Variants in GLS2 observed in about 807,000 individuals in gnomAD.
The protein encoded by GLS2 is glutaminase 2, also known as glutaminase liver isoform, mitochondrial.
A neutral mutation model predicts 79.0 loss-of-function variants in GLS2; 52 were observed. The observed-to-expected ratio is 0.66, with a 90% CI of 0.53 to 0.83. The LOEUF (loss-of-function observed/expected upper bound fraction) is 0.83. GLS2 is among the 40% of genes least tolerant of loss of function. The probability of loss-of-function intolerance (pLI) is 0.00; values close to 1 mark genes in which losing one functional copy is unlikely to be tolerated. For missense variants in GLS2, 561 were observed against 764.8 expected (o/e 0.73, Z 3.14); for synonymous variants, 238 against 280.8 (o/e 0.85, Z 1.52).
rs775006237 is a variant in GLS2 at position 56,471,587 on chromosome 12, T to C, written c.1709A>G (p.Lys570Arg). The C allele has an allele frequency of 6.2e-7, 1 of 1,614,082 alleles. No individual in the cohort carries two copies. The highest frequency in any genetic ancestry group is 1.1e-5 in the South Asian group (1 of 91,074). Residue 570 changes from lysine to arginine, a missense_variant, in exon 18 of 18, where the codon AAA becomes AGA. Physicochemically the swap from Lys to Arg is conservative, Grantham distance 26. Transcript: ENST00000311966. ...GGAGTCCTGGTAATCTTGAAGCAGT[T>C]TGACCACCTCCAGATGGTTGAACTG... ...AVQFNHLEVV[K>R]LLQDYQDSYT...
chr12:56,473,616 G>A (rs989350529), intron 12 of GLS2, 22 bp from the exon 13 acceptor site: 1 of 1,597,658 alleles, frequency 6.3e-7, no homozygotes, highest in African/African-American at 1.3e-5. Flanking sequence ...AACTGAAGCT[G>A]AGGATAAAGT....
At chr12:56,473,777 T>C (rs1869527350) in intron 12 of GLS2, 183 bp from the exon 13 acceptor site, 1 of 670,284 alleles carries the variant, frequency 1.5e-6, no homozygotes, top group African/African-American at 1.8e-5. Context: ...AATTCATTGA[T>C]TCAGCTAGAA....
intron 1 of GLS2, among the ~76,000 whole-genome samples, chr12:56,486,960 TGTGTC>T (rs1870741251): frequency 1.6e-5 from 1 of 62,734 alleles, no homozygotes; most frequent in South Asian, 7.6e-4. Flanking sequence ...GAGGTAGTGT[TGTGTC>T]AGAGACTCGA....
intron 9 of GLS2, 84 bp downstream of exon 9, chr12:56,475,540 T>C (rs534720593): frequency 7.2e-7 from 1 of 1,393,056 alleles, no homozygotes; most frequent in South Asian, 1.2e-5. Context: ...TAAGATTCTC[T>C]CTCCCCCATT....
chr12:56,485,019 A>G (rs151081820), intron 1 of GLS2, among the ~76,000 whole-genome samples: 10 of 152,336 alleles, frequency 6.6e-5, no homozygotes, highest in Admixed American at 4.6e-4. Flanking sequence ...AAGACTGGTT[A>G]TATAAACTAT....
intron 5 of GLS2, 21 bp from the exon 6 acceptor site, chr12:56,478,117 T>G: frequency 2.5e-6 from 4 of 1,614,004 alleles, no homozygotes; most frequent in Non-Finnish European, 2.5e-6. Flanking sequence ...ACAGATGCCA[T>G]GAAAGGGGTT....
chr12:56,472,142 GCTGTGCGCGAGTCATAGT>G lies in GLS2; in HGVS notation c.1547_1564del (p.Asp516_Thr521del). The G allele has an allele frequency of 6.2e-7, 1 of 1,614,194 alleles. No homozygotes were observed. Among genetic ancestry groups the G allele is most frequent in the Non-Finnish European group, 8.5e-7 (1 of 1,180,036 alleles). On this transcript the variant is annotated inframe_deletion, in exon 16 of 18. Transcript: ENST00000311966. ...ACCTTCAGCTGCAGCAACATGCAGA[GCTGTGCGCGAGTCATAGT>G]CTTTCTGTTCCATATCCATGGCTGA...
At chr12:56,481,963 G>T (rs1054831316) in intron 1 of GLS2, among the ~76,000 whole-genome samples, 1 of 146,018 alleles carries the variant, frequency 6.8e-6, no homozygotes, top group Non-Finnish European at 1.5e-5. Flanking sequence ...GGGCATGGTG[G>T]TTCACACCTG....
At chr12:56,486,487 TAAG>T (rs1301968316) in intron 1 of GLS2, among the ~76,000 whole-genome samples, 1 of 152,206 alleles carries the variant, frequency 6.6e-6, no homozygotes, top group Non-Finnish European at 1.5e-5. Flanking sequence ...TGTGTCTCTT[TAAG>T]AAGAAGCTGA....
At chr12:56,487,744 C>G (rs945104001) in intron 1 of GLS2, 193 bp downstream of exon 1, 1 of 693,810 alleles carries the variant, frequency 1.4e-6, no homozygotes, top group African/African-American at 1.9e-5. Context: ...GAACGCACTC[C>G]TAGGCAGACG....
In GLS2 at chr12:56,477,728, T is replaced by C. The variant is rs1379380661; in HGVS notation, c.779-10A>G. On this transcript the variant is annotated splice_polypyrimidine_tract_variant and intron_variant, in intron 6 of 17. Coordinates refer to ENST00000311966, the MANE Select transcript of GLS2 (RefSeq NM_013267.4). ...GGGTTATGGGGGATTCCTGGGGAAATACAAACCACCAAGAGTCTTAGCCAC... is the reference window on the plus strand; with the variant it reads ...GGGTTATGGGGGATTCCTGGGGAAACACAAACCACCAAGAGTCTTAGCCAC... 1 of 1,608,368 alleles carries C rather than the reference T, an allele frequency of 6.2e-7. No individual in the cohort carries two copies. Among genetic ancestry groups the C allele is most frequent in the Non-Finnish European group, 8.5e-7 (1 of 1,177,766 alleles).
rs765192271 is a variant in GLS2 at position 56,472,705 on chromosome 12, A to G, written c.1496T>C (p.Val499Ala). The change falls in exon 15 of 18, where the codon GTC becomes GCC. Residue 499 changes from valine to alanine, a missense_variant. Physicochemically the swap from Val to Ala is moderately conservative, Grantham distance 64. Coordinates refer to ENST00000311966, the MANE Select transcript of GLS2 (RefSeq NM_013267.4). ...GTAGCATTACCTTCGAAGAGCTGAG[A>G]CATCGCCACTATAGGCAGCAAATAA... ...NLLFAAYSGD[V>A]SALRRFALSA... 2 of 1,613,814 alleles carry G rather than the reference A, an allele frequency of 1.2e-6. No homozygotes were observed. The highest frequency in any genetic ancestry group is 2.2e-5 in the East Asian group (1 of 44,868).
chr12:56,479,835 G>C lies in GLS2; in HGVS notation c.349C>G (p.Arg117Gly), dbSNP rs925971587. The C allele has an allele frequency of 6.2e-7, 1 of 1,612,174 alleles. No individual in the cohort carries two copies. The highest frequency in any genetic ancestry group is 1.3e-5 in the African/African-American group (1 of 74,814). ...CCACTACTGGACTCTTGGACCACGC[G>C]GTGCATCTCGCTCATGCAGTCTCGG... ...RLRDCMSEMH[R>G]VVQESSSGGL... is the part of the protein sequence containing the mutation. The change falls in exon 3 of 18, where the codon CGC (arginine) becomes GGC (glycine). Residue 117 changes from arginine (R) to glycine (G), a missense_variant. By Grantham distance (125) the Arg-to-Gly change is moderately radical. Coordinates refer to ENST00000311966, the MANE Select transcript of GLS2 (RefSeq NM_013267.4).
At chr12:56,474,252 G>A (rs1869586004) in intron 12 of GLS2, 1 of 375,138 alleles carries the variant, frequency 2.7e-6, no homozygotes. Context: ...ACCACCCCCG[G>A]CTAATTTTTT....
chr12:56,472,634 G>T, intron 15 of GLS2, 56 bp downstream of exon 15: 2 of 1,510,440 alleles, frequency 1.3e-6, no homozygotes, highest in Non-Finnish European at 1.8e-6. Context: ...CTGCCTCCTA[G>T]TAAAATCTCT....
At chr12:56,480,788 T>G (rs1051265241) in intron 1 of GLS2, among the ~76,000 whole-genome samples, 1 of 152,202 alleles carries the variant, frequency 6.6e-6, no homozygotes, top group Non-Finnish European at 1.5e-5. Context: ...TGCCACACCT[T>G]AAGTCCATGC....
At chr12:56,472,383 G>T in intron 15 of GLS2, 188 bp from the exon 16 acceptor site, 1 of 615,840 alleles carries the variant, frequency 1.6e-6, no homozygotes, top group Non-Finnish European at 2.8e-6. Flanking sequence ...AGAGAGATGG[G>T]AATGTGATCC....
At chr12:56,486,201 C>A (rs1870673498) in intron 1 of GLS2, among the ~76,000 whole-genome samples, 1 of 152,062 alleles carries the variant, frequency 6.6e-6, no homozygotes, top group African/African-American at 2.4e-5. Flanking sequence ...CCCTTTCTGC[C>A]TGGGGAGCAC....
chr12:56,476,276 C>T, intron 7 of GLS2: 1 of 366,656 alleles, frequency 2.7e-6, no homozygotes, highest in Non-Finnish European at 5.1e-6. Context: ...GATCCTCCCA[C>T]TTCAGCCTCC....
Sources: allele counts gnomAD v4.1 joint callset (sites outside exome capture counted in the v4.1 genomes callset), GRCh38; gene constraint gnomAD v4.1.1; transcripts MANE v1.5; gene names NCBI Gene and HGNC (gene_info 2026-07-23, HGNC 2026-07-21).